UBE2E3: variants seen among roughly 807,000 people sequenced by gnomAD.
The protein encoded by UBE2E3 is ubiquitin conjugating enzyme E2 E3.
A neutral mutation model predicts 23.6 loss-of-function variants in UBE2E3; 5 were observed. That is an observed-to-expected ratio of 0.21 (90% confidence interval 0.11 to 0.44). The LOEUF (loss-of-function observed/expected upper bound fraction) is 0.44. UBE2E3 is among the 20% of genes least tolerant of loss of function. The pLI, the probability that UBE2E3 is intolerant of heterozygous loss-of-function variation, is 0.99. For missense variants in UBE2E3, 81 were observed against 249.8 expected, an observed-to-expected ratio of 0.32 and a Z score of 4.55; for synonymous variants, 78 against 87.5, an observed-to-expected ratio of 0.89 and a Z score of 0.60.
chr2:180,992,337 TAAG>T, intron 3 of UBE2E3, among the ~76,000 whole-genome samples: 1 of 152,218 alleles, frequency 6.6e-6, no homozygotes, highest in African/African-American at 2.4e-5. Context: ...ACACAAGTAT[TAAG>T]TAATACTTAA....
At chr2:181,019,740 A>G (rs997103899) in intron 3 of UBE2E3, among the ~76,000 whole-genome samples, 3 of 152,168 alleles carry the variant, frequency 2.0e-5, no homozygotes, top group Non-Finnish European at 4.4e-5. Flanking sequence ...ATATTTTGGT[A>G]TGTATATTTT....
chr2:181,048,695 C>T (rs1686741926), intron 3 of UBE2E3, among the ~76,000 whole-genome samples: 1 of 152,058 alleles, frequency 6.6e-6, no homozygotes, highest in Non-Finnish European at 1.5e-5. Context: ...TAATTGTGAA[C>T]TCCTAATTGC....
At chr2:181,006,997 A>G (rs1191422744) in intron 3 of UBE2E3, among the ~76,000 whole-genome samples, 4 of 152,220 alleles carry the variant, frequency 2.6e-5, no homozygotes, top group African/African-American at 9.6e-5. Flanking sequence ...GTTAGGAAAC[A>G]AATAATTTAG....
At chr2:181,010,199 A>G (rs192332738) in intron 3 of UBE2E3, among the ~76,000 whole-genome samples, 48 of 152,230 alleles carry the variant, frequency 3.2e-4, no homozygotes, top group African/African-American at 1.1e-3. Flanking sequence ...TTATTATTTT[A>G]TATTATTAAT....
At chr2:180,985,675 C>A (rs550766048) in intron 3 of UBE2E3, among the ~76,000 whole-genome samples, 24 of 152,180 alleles carry the variant, frequency 1.6e-4, no homozygotes, top group African/African-American at 5.8e-4. Context: ...TAAATTTGCT[C>A]CCTGGAAGAA....
intron 3 of UBE2E3, among the ~76,000 whole-genome samples, chr2:180,997,175 T>G (rs1015726646): frequency 6.6e-6 from 1 of 152,062 alleles, no homozygotes; most frequent in African/African-American, 2.4e-5. Flanking sequence ...CTAAGAGATT[T>G]TTTTAAGCTC....
intron 5 of UBE2E3, among the ~76,000 whole-genome samples, chr2:181,062,502 A>C (rs540921444): frequency 2.0e-5 from 3 of 151,822 alleles, no homozygotes; most frequent in Admixed American, 6.6e-5. Context: ...GAAAGGCCAA[A>C]ATTACAAAAT....
At chr2:181,058,983 C>T (rs73041005) in intron 4 of UBE2E3, among the ~76,000 whole-genome samples, 3,592 of 151,780 alleles carry the variant, frequency 0.024, 128 homozygotes, top group African/African-American at 0.078. Flanking sequence ...TTTTCCTGGA[C>T]ACCTTTTAAT....
chr2:181,033,838 AAAAC>A (rs1433255101), intron 3 of UBE2E3, among the ~76,000 whole-genome samples: 1 of 151,900 alleles, frequency 6.6e-6, no homozygotes, highest in Non-Finnish European at 1.5e-5. Context: ...TTAGAAGAAA[AAAAC>A]AACCCCATCA....
intron 3 of UBE2E3, among the ~76,000 whole-genome samples, chr2:181,051,559 T>G (rs1686845371): frequency 6.6e-6 from 1 of 151,790 alleles, no homozygotes; most frequent in Admixed American, 6.6e-5. Flanking sequence ...TAATCTCTCC[T>G]ACCCCCATTA....
intron 3 of UBE2E3, among the ~76,000 whole-genome samples, chr2:181,056,695 A>G (rs1686998331): frequency 6.6e-6 from 1 of 151,832 alleles, no homozygotes; most frequent in African/African-American, 2.4e-5. Flanking sequence ...GGACAGATCA[A>G]ACCATAGCAA....
intron 4 of UBE2E3, among the ~76,000 whole-genome samples, chr2:181,058,684 T>A (rs1038664818): frequency 5.9e-5 from 9 of 151,650 alleles, no homozygotes; most frequent in African/African-American, 1.9e-4. Context: ...TTTAAAAATT[T>A]ATGTTGCAGT....
chr2:181,022,694 T>TTGTCTGGGTC (rs1685745539), intron 3 of UBE2E3, among the ~76,000 whole-genome samples: 1 of 148,714 alleles, frequency 6.7e-6, no homozygotes, highest in African/African-American at 2.5e-5. Flanking sequence ...AGCACAAAAA[T>TTGTCTGGGTC]GCAAAAAGCA....
intron 3 of UBE2E3, among the ~76,000 whole-genome samples, chr2:181,037,209 A>G (rs924433796): frequency 2.7e-5 from 4 of 148,978 alleles, no homozygotes; most frequent in Non-Finnish European, 4.4e-5. Context: ...ATATAATTAT[A>G]TGTAGTACAT....
In UBE2E3 at chr2:181,038,446, G is replaced by A. The variant is rs528256819; in HGVS notation, c.246-19247G>A. Among the ~76,000 whole-genome samples the A allele has an allele frequency of 2.0e-5, 3 of 152,284 alleles. No individual in the cohort carries two copies. The South Asian group carries it at 6.2e-4, about 32-fold the overall frequency. On this transcript the variant is annotated intron_variant, in intron 3 of 5. Coordinates refer to ENST00000410062, the MANE Select transcript of UBE2E3 (RefSeq NM_006357.4). ...TCATATTCTTGTTGTTAAACATTAA[G>A]TGACACATGACCATACAAAAATTAA...
chr2:180,999,967 A>G (rs1156419616), intron 3 of UBE2E3, among the ~76,000 whole-genome samples: 1 of 152,226 alleles, frequency 6.6e-6, no homozygotes, highest in Non-Finnish European at 1.5e-5. Context: ...ACCAGTTGTA[A>G]TAACAAGATA....
At chr2:181,056,774 T>C (rs1464992419) in intron 3 of UBE2E3, among the ~76,000 whole-genome samples, 2 of 151,776 alleles carry the variant, frequency 1.3e-5, no homozygotes, top group African/African-American at 2.4e-5. Context: ...GGTCTTGAAG[T>C]GTCTGTCCAA....
intron 3 of UBE2E3, among the ~76,000 whole-genome samples, chr2:181,019,676 C>T (rs1374684725): frequency 6.6e-6 from 1 of 151,852 alleles, no homozygotes; most frequent in East Asian, 1.9e-4. Flanking sequence ...AAAATATGAG[C>T]TTTATTGAGA....
intron 3 of UBE2E3, among the ~76,000 whole-genome samples, chr2:181,008,351 A>C (rs926372732): frequency 6.6e-6 from 1 of 152,230 alleles, no homozygotes; most frequent in African/African-American, 2.4e-5. Context: ...ACTGAGGTAC[A>C]GAGAGAAGTT....
Sources: allele counts gnomAD v4.1 joint callset (sites outside exome capture counted in the v4.1 genomes callset), GRCh38; gene constraint gnomAD v4.1.1; transcripts MANE v1.5; gene names NCBI Gene and HGNC (gene_info 2026-07-23, HGNC 2026-07-21).